Variants in THADA observed in about 807,000 individuals in gnomAD.
THADA encodes THADA armadillo repeat containing.
THADA carries 213 observed loss-of-function variants against 219.8 expected under a neutral mutation model. The observed-to-expected ratio is 0.97, with a 90% CI of 0.87 to 1.09. THADA has a LOEUF of 1.09. THADA is among the 50% of genes least tolerant of loss of function. The pLI is 0.00. For synonymous variants in THADA, 1,018 were observed against 828.9 expected, an observed-to-expected ratio of 1.23 and a Z score of -3.92; for missense variants, 2,956 against 2,311.3, an observed-to-expected ratio of 1.28 and a Z score of -5.72.
At chr2:43,254,072 A>G (rs1381843340) in intron 36 of THADA, among the ~76,000 whole-genome samples, 1 of 151,878 alleles carries the variant, frequency 6.6e-6, no homozygotes, top group African/African-American at 2.4e-5. Flanking sequence ...GACAGGTTCC[A>G]GGCCTATCCC....
In THADA at chr2:43,290,992, A is replaced by G. The variant is rs192455882; in HGVS notation, c.5010+704T>C. Among the ~76,000 whole-genome samples, 3 of 152,188 alleles carry G rather than the reference A, an allele frequency of 2.0e-5. No homozygotes were observed. In the East Asian group the frequency reaches 5.8e-4, roughly 29 times the overall value. ...ATTTAAGCCTTAGCGATGTATTTGC[A>G]TACTTAGTTCACTAGGTTGCAATCC... On this transcript the variant is annotated intron_variant, in intron 34 of 37. Coordinates refer to ENST00000405975, the MANE Select transcript of THADA (RefSeq NM_022065.5).
At chr2:43,532,862 A>G (rs1465070132) in intron 21 of THADA, among the ~76,000 whole-genome samples, 1 of 152,226 alleles carries the variant, frequency 6.6e-6, no homozygotes, top group Non-Finnish European at 1.5e-5. Flanking sequence ...AAACACCAAA[A>G]GCAACTGCGA....
chr2:43,498,887 A>G lies in THADA; in HGVS notation c.3690T>C (p.Tyr1230=), dbSNP rs1181444298. Residue 1230 remains tyrosine, a synonymous_variant, in exon 25 of 38, where the codon TAT becomes TAC. Transcript: ENST00000405975. ...DTRLGENIIP[Y]VADGAKAAIL... ...TTGCAGCCTTAGCTCCATCAGCAAC[A>G]TAAGGAATAATATTTTCTCCCAGGC... The G allele has an allele frequency of 6.2e-7, 1 of 1,610,794 alleles. No homozygotes were observed. The highest frequency in any genetic ancestry group is 8.5e-7 in the Non-Finnish European group (1 of 1,178,518).
chr2:43,463,539 GCTCT>G (rs968748111), intron 26 of THADA, among the ~76,000 whole-genome samples: 9 of 152,160 alleles, frequency 5.9e-5, no homozygotes, highest in African/African-American at 2.2e-4. Flanking sequence ...AGAATGGCTT[GCTCT>G]CTGTTTCTTT....
At chr2:43,320,376 C>T (rs1678559228) in intron 31 of THADA, 70 bp downstream of exon 31, 3 of 1,147,464 alleles carry the variant, frequency 2.6e-6, no homozygotes, top group Non-Finnish European at 3.8e-6. Context: ...GTGGCAGAGC[C>T]ACTCAAAACG....
chr2:43,271,735 C>G (rs1033834445), intron 36 of THADA, among the ~76,000 whole-genome samples: 2 of 151,820 alleles, frequency 1.3e-5, no homozygotes, highest in Admixed American at 6.6e-5. Context: ...CTGCCTCAGC[C>G]TCCCGAGTAG....
In THADA at chr2:43,481,737, C is replaced by T. The variant is rs924436405; in HGVS notation, c.3836+3497G>A. ...CATGTACTCCCCTATTATGTTAATACTGAGTTCATGATAAGTGCTTTCAAA... is the reference window on the plus strand; with the variant it reads ...CATGTACTCCCCTATTATGTTAATATTGAGTTCATGATAAGTGCTTTCAAA... On this transcript the variant is annotated intron_variant, in intron 26 of 37. Coordinates refer to ENST00000405975, the MANE Select transcript of THADA (RefSeq NM_022065.5). Among the ~76,000 whole-genome samples, 4 of 152,320 alleles carry T rather than the reference C, an allele frequency of 2.6e-5. No homozygotes were observed. The South Asian group carries it at 8.3e-4, about 32-fold the overall frequency.
chr2:43,511,827 T>C (rs1325754199), intron 22 of THADA, among the ~76,000 whole-genome samples: 2 of 152,138 alleles, frequency 1.3e-5, no homozygotes, highest in African/African-American at 4.8e-5. Context: ...ATGGGATCAG[T>C]ACAGTGTCAT....
intron 22 of THADA, among the ~76,000 whole-genome samples, chr2:43,516,683 T>G (rs568420935): frequency 6.6e-6 from 1 of 152,172 alleles, no homozygotes; most frequent in South Asian, 2.1e-4. Context: ...AGAATTAAAA[T>G]GTATATTGAC....
chr2:43,372,989 C>T (rs948471992), intron 29 of THADA, among the ~76,000 whole-genome samples: 1 of 152,066 alleles, frequency 6.6e-6, no homozygotes, highest in Admixed American at 6.5e-5. Flanking sequence ...CCACGCCCAG[C>T]CAAGTCTAGT....
At chr2:43,560,187 A>C in intron 16 of THADA, 47 bp downstream of exon 16, 1 of 1,529,742 alleles carries the variant, frequency 6.5e-7, no homozygotes, top group East Asian at 2.3e-5. Flanking sequence ...CTGCTGATAG[A>C]AAGTTTCCAT....
intron 30 of THADA, among the ~76,000 whole-genome samples, chr2:43,329,704 T>G (rs1481622155): frequency 1.3e-5 from 2 of 152,062 alleles, no homozygotes; most frequent in Admixed American, 1.3e-4. Flanking sequence ...GAAAACAAAT[T>G]GTATCTATGT....
intron 29 of THADA, among the ~76,000 whole-genome samples, chr2:43,387,654 C>T (rs777916405): frequency 9.2e-5 from 14 of 152,130 alleles, no homozygotes; most frequent in Admixed American, 2.6e-4. Context: ...ATTTTGCCCC[C>T]GCCTCCGCCC....
intron 34 of THADA, among the ~76,000 whole-genome samples, chr2:43,288,082 C>T (rs1674257638): frequency 6.6e-6 from 1 of 152,220 alleles, no homozygotes; most frequent in South Asian, 2.1e-4. Flanking sequence ...CTGTTTCTAT[C>T]TGATTTAAGC....
intron 21 of THADA, among the ~76,000 whole-genome samples, chr2:43,533,743 G>T (rs1016258817): frequency 3.9e-5 from 6 of 152,134 alleles, no homozygotes; most frequent in African/African-American, 1.4e-4. Flanking sequence ...CCTGTCGTTG[G>T]GTGGAGGGCA....
chr2:43,411,109 T>TA (rs1294249666), intron 28 of THADA, among the ~76,000 whole-genome samples: 5 of 152,260 alleles, frequency 3.3e-5, no homozygotes, highest in African/African-American at 9.6e-5. Flanking sequence ...ACACAAGAAT[T>TA]AAAAAACAAA....
Position 43,566,783 on chromosome 2 carries a change from T to C in THADA, c.2226A>G (p.Ala742=). The C allele has an allele frequency of 3.9e-6, 6 of 1,531,208 alleles. No individual in the cohort carries two copies. The highest frequency in any genetic ancestry group is 2.6e-5 in the South Asian group (2 of 77,582). 94.9% of individuals were successfully genotyped at this position (1,531,208 alleles called of 1,614,324 possible). The change falls in exon 15 of 38, where the codon GCA becomes GCG. Residue 742 remains alanine (A), a synonymous_variant. Coordinates refer to ENST00000405975, the MANE Select transcript of THADA (RefSeq NM_022065.5). ...MSSICNSLFE[A]LFPGSSYSTR... ...TCGAGTAGGAAGATCCAGGAAACAA[T>C]GCTTCAAAAAGACTGTTACAAATGG...
intron 19 of THADA, among the ~76,000 whole-genome samples, chr2:43,550,333 T>C (rs1696604790): frequency 6.6e-6 from 1 of 152,198 alleles, no homozygotes; most frequent in Non-Finnish European, 1.5e-5. Context: ...ATTACTATCA[T>C]GATGATTCAA....
At chr2:43,512,683 G>A (rs1305620082) in intron 22 of THADA, among the ~76,000 whole-genome samples, 4 of 152,134 alleles carry the variant, frequency 2.6e-5, no homozygotes, top group Admixed American at 6.5e-5. Context: ...TGTATTTTTA[G>A]TAGAGATGGG....
Sources: gnomAD v4.1 joint callset for allele counts (sites outside exome capture counted in the v4.1 genomes callset) on GRCh38, gnomAD v4.1.1 for gene constraint, MANE v1.5 for transcripts, NCBI Gene and HGNC (gene_info 2026-07-23, HGNC 2026-07-21) for gene names.